MVP: variants seen among roughly 807,000 people sequenced by gnomAD.
The protein encoded by MVP is lung resistance-related protein.
In MVP, 62 loss-of-function variants were observed where a neutral mutation model predicts 83.5. The observed-to-expected ratio is 0.74, with a 90% CI of 0.61 to 0.92. The LOEUF is 0.92. MVP is among the 40% of genes least tolerant of loss of function. The probability of loss-of-function intolerance (pLI) is 0.00; values close to 1 mark genes in which losing one functional copy is unlikely to be tolerated. For missense variants in MVP, 1,000 were observed against 1,203.4 expected, an observed-to-expected ratio of 0.83 and a Z score of 2.50; for synonymous variants, 505 against 504.1, an observed-to-expected ratio of 1.00 and a Z score of -0.02.
At chr16:29,830,724 G>A in intron 2 of MVP, 50 bp downstream of exon 2, 13 of 1,604,804 alleles carry the variant, frequency 8.1e-6, no homozygotes, top group Non-Finnish European at 1.1e-5. Context: ...GTGGGGGCCT[G>A]TTTGGCTGGC....
chr16:29,840,358 G>A lies in MVP; in HGVS notation c.1090G>A (p.Glu364Lys), dbSNP rs2067524576. 5 of 1,606,298 alleles carry A rather than the reference G, an allele frequency of 3.1e-6. No homozygotes were observed. The highest frequency in any genetic ancestry group is 3.4e-6 in the Non-Finnish European group (4 of 1,176,998). Residue 364 changes from glutamate to lysine, a missense_variant, in exon 8 of 15, where the codon GAG becomes AAG. By Grantham distance (56) the Glu-to-Lys change is moderately conservative. Transcript: ENST00000357402. Reference protein sequence around the residue: ...GDHWLIRGPLEYVPSAKVEVV... With the variant: ...GDHWLIRGPLKYVPSAKVEVV... ...CCACTGGCTCATCCGCGGACCCCTG[G>A]AGTATGTGCCATCTGCCAAAGTGGA... is the stretch of plus-strand genomic sequence containing the variant.
chr16:29,827,475 A>G (rs891533878), intron 1 of MVP, among the ~76,000 whole-genome samples: 1 of 152,190 alleles, frequency 6.6e-6, no homozygotes, highest in African/African-American at 2.4e-5. Flanking sequence ...CTAGAAAGAC[A>G]GGACCAGGCA....
At position 29,840,162 on chromosome 16, in the gene MVP, C is replaced by G; in HGVS notation, c.910-16C>G. 1 of 1,590,796 alleles carries G rather than the reference C, an allele frequency of 6.3e-7. No individual in the cohort carries two copies. The highest frequency in any genetic ancestry group is 8.6e-7 in the Non-Finnish European group (1 of 1,167,606). On this transcript the variant is annotated splice_polypyrimidine_tract_variant and intron_variant, in intron 7 of 14. Coordinates refer to ENST00000357402, the MANE Select transcript of MVP (RefSeq NM_005115.5). ...ACCCTAAAGGCACTGACCCTAACCT[C>G]ACGTCTCCCCACTAGGGAGAGAAGT...
At chr16:29,832,458 C>G (rs571028535) in intron 3 of MVP, among the ~76,000 whole-genome samples, 17 of 150,972 alleles carry the variant, frequency 1.1e-4, no homozygotes, top group African/African-American at 3.9e-4. Context: ...CCACCACACC[C>G]GGCTAACTTT....
At chr16:29,834,090 TG>T (rs751114842) in intron 5 of MVP, 24 bp downstream of exon 5, 1 of 1,609,868 alleles carries the variant, frequency 6.2e-7, no homozygotes, top group East Asian at 2.2e-5. Flanking sequence ...GGGGCGATGA[TG>T]GTGGGTGGGC....
chr16:29,839,111 C>G (rs571307457), intron 7 of MVP, among the ~76,000 whole-genome samples: 1 of 152,096 alleles, frequency 6.6e-6, no homozygotes, highest in Non-Finnish European at 1.5e-5. Flanking sequence ...TCTCTTGAAC[C>G]TGGAAGACAG....
Position 29,830,685 on chromosome 16 carries a change from G to GAA in MVP, c.125+11_125+12insAA, listed in dbSNP as rs2067434765. 1 of 1,613,382 alleles carries GAA rather than the reference G, an allele frequency of 6.2e-7. No individual in the cohort carries two copies. The highest frequency in any genetic ancestry group is 8.5e-7 in the Non-Finnish European group (1 of 1,179,758). ...GCAGGACAATGAGAGGTGGGTGTGG[G>GAA]GGCTGGGCTGTGGGGGATCCTTGGG... On this transcript the variant is annotated intron_variant, in intron 2 of 14. Coordinates refer to ENST00000357402, the MANE Select transcript of MVP (RefSeq NM_005115.5).
At position 29,847,952 on chromosome 16, in the gene MVP, C is replaced by T; in HGVS notation, c.2645C>T (p.Ala882Val). 1 of 1,610,312 alleles carries T rather than the reference C, an allele frequency of 6.2e-7. No individual in the cohort carries two copies. The highest frequency in any genetic ancestry group is 8.5e-7 in the Non-Finnish European group (1 of 1,178,966). The change falls in exon 15 of 15, where the codon GCT becomes GTT. Residue 882 changes from alanine to valine, a missense_variant. Physicochemically the swap from Ala to Val is moderately conservative, Grantham distance 64 (BLOSUM62 0). Transcript: ENST00000357402. ...ISPQSAQAPQ[A>V]PGDNHVVPVL... is the part of the protein sequence containing the mutation. ...CCCCAGTCTGCTCAGGCCCCTCAAGCTCCTGGAGACAACCACGTGGTGCCT... is the reference window on the plus strand; with the variant it reads ...CCCCAGTCTGCTCAGGCCCCTCAAGTTCCTGGAGACAACCACGTGGTGCCT...
intron 5 of MVP, 70 bp from the exon 6 acceptor site, chr16:29,835,634 G>C (rs1440650104): frequency 1.4e-5 from 18 of 1,299,324 alleles, no homozygotes; most frequent in Admixed American, 1.9e-5. Flanking sequence ...CTGTGTCTAA[G>C]CTGTGGGGGA....
intron 7 of MVP, among the ~76,000 whole-genome samples, chr16:29,838,174 GT>G (rs2067503937): frequency 6.6e-6 from 1 of 152,078 alleles, no homozygotes; most frequent in Admixed American, 6.6e-5. Flanking sequence ...TGGCTTACAT[GT>G]GTAATCCCAG....
At chr16:29,839,318 G>T (rs977500982) in intron 7 of MVP, among the ~76,000 whole-genome samples, 2 of 152,156 alleles carry the variant, frequency 1.3e-5, no homozygotes, top group Non-Finnish European at 2.9e-5. Flanking sequence ...GTGGGGAGTG[G>T]CAGTAACTTC....
chr16:29,821,320 C>T (rs775322581), intron 1 of MVP: 4 of 152,358 alleles, frequency 2.6e-5, no homozygotes, highest in Non-Finnish European at 5.9e-5. Context: ...TCCCTTGGCA[C>T]ACAGAGCACT....
intron 1 of MVP, among the ~76,000 whole-genome samples, chr16:29,825,736 G>A (rs1259330838): frequency 2.0e-5 from 3 of 152,212 alleles, no homozygotes; most frequent in Non-Finnish European, 2.9e-5. Flanking sequence ...CAGCTGGGGC[G>A]GCAGATGGTG....
At chr16:29,837,727 C>G (rs1266115292) in intron 7 of MVP, among the ~76,000 whole-genome samples, 1 of 151,894 alleles carries the variant, frequency 6.6e-6, no homozygotes. Context: ...GCACTCTAGC[C>G]TGGGCGATAG....
chr16:29,844,691 G>A lies in MVP; in HGVS notation c.1833G>A (p.Ala611=), dbSNP rs1316935512. The change falls in exon 11 of 15, where the codon GCG becomes GCA. Residue 611 remains alanine, a synonymous_variant. Transcript: ENST00000357402. ...TCTTTGGCTTTGAGACCTCGGAAGC[G>A]AAGGGCCCCGATGGCATGGCCCTGC... ...TAVFGFETSE[A]KGPDGMALPR... is the part of the protein sequence containing the mutation. 11 of 1,613,888 alleles carry A rather than the reference G, an allele frequency of 6.8e-6. No individual in the cohort carries two copies. Among genetic ancestry groups the A allele is most frequent in the African/African-American group, 2.7e-5 (2 of 74,934 alleles).
chr16:29,841,733 T>G lies in MVP; in HGVS notation c.1329T>G (p.Ala443=). 6.2e-7 allele frequency: 1 copy of G among 1,613,230 alleles called. No individual in the cohort carries two copies. Residue 443 remains alanine (A), a synonymous_variant, in exon 9 of 15, where the codon GCT becomes GCG. Transcript: ENST00000357402. This position sits in a 1 kb window ranked among gnomAD's most constrained non-coding sequence, Gnocchi z 4.7. ...PLADRGEKDT[A]KSLQPLAPRN... is the part of the protein sequence containing the mutation. ...CAGACAGGGGTGAGAAGGACACAGC[T>G]AAGAGCCTCCAGCCCTTGGCGCCCC...
rs770827625 is a variant in MVP, at chr16:29,844,571, C to T, written c.1713C>T (p.Ala571=). 6.2e-7 allele frequency: 1 copy of T among 1,609,436 alleles called. No homozygotes were observed. Among genetic ancestry groups the T allele is most frequent in the African/African-American group, 1.3e-5 (1 of 74,880 alleles). The part of the protein sequence containing the change: ...LFSVPDFVGD[A]CKAIASRVRG... Reference sequence around the variant, plus strand: ...CAGTGCCAGACTTTGTAGGTGATGCCTGCAAAGCCATCGCATCCCGGGTGC... The same window carrying T: ...CAGTGCCAGACTTTGTAGGTGATGCTTGCAAAGCCATCGCATCCCGGGTGC... Residue 571 remains alanine (A), a synonymous_variant, in exon 11 of 15, where the codon GCC becomes GCT. Transcript: ENST00000357402.
At chr16:29,829,195 G>A (rs1778719390) in intron 1 of MVP, among the ~76,000 whole-genome samples, 1 of 151,450 alleles carries the variant, frequency 6.6e-6, no homozygotes, top group African/African-American at 2.4e-5. Flanking sequence ...GACAAAAGAG[G>A]CTCCTCATCG....
intron 3 of MVP, chr16:29,831,721 G>A (rs772944129): frequency 7.9e-5 from 36 of 455,898 alleles, no homozygotes; most frequent in Non-Finnish European, 1.4e-4. Context: ...TCATTCACCC[G>A]GTGCCAGACA....
Sources: allele counts gnomAD v4.1 joint callset (sites outside exome capture counted in the v4.1 genomes callset), GRCh38; gene constraint gnomAD v4.1.1; non-coding constraint Gnocchi (gnomAD v3.1); transcripts MANE v1.5; gene names NCBI Gene and HGNC (gene_info 2026-07-23, HGNC 2026-07-21).